CHLSN: variants seen among roughly 807,000 people sequenced by gnomAD.
The protein encoded by CHLSN is cholesin, also known as protein cholesin.
At chr7:992,321 A>C in the CHLSN span, among the ~76,000 whole-genome samples, 1 of 152,166 alleles carries the variant, frequency 6.6e-6, no homozygotes, top group Admixed American at 6.5e-5. Context: ...ATCCTAAGTC[A>C]AGGCAAAACA....
At chr7:1,127,469 G>T in the CHLSN span, 1 of 1,294,464 alleles carries the variant, frequency 7.7e-7, no homozygotes, top group Non-Finnish European at 1.0e-6. Context: ...AAGAGGTAGG[G>T]CACTCTCCCA....
chr7:998,457 CT>C, the CHLSN span, among the ~76,000 whole-genome samples: 12,717 of 94,456 alleles, frequency 0.13, 140 homozygotes, highest in Middle Eastern at 0.19. Context: ...GTCTTAGATT[CT>C]TTTTTTTTTT....
chr7:1,092,579 T>C, the CHLSN span: 2 of 1,611,168 alleles, frequency 1.2e-6, no homozygotes, highest in Non-Finnish European at 1.7e-6. Context: ...GTGCACCTCC[T>C]GCAGCGGACG....
At chr7:1,000,586 G>C in the CHLSN span, 1 of 1,541,440 alleles carries the variant, frequency 6.5e-7, no homozygotes, top group South Asian at 1.2e-5. Flanking sequence ...CAGGGTGCTG[G>C]GCAAAAGACT....
chr7:1,085,347 G>A, the CHLSN span, among the ~76,000 whole-genome samples: 1 of 152,202 alleles, frequency 6.6e-6, no homozygotes, highest in Non-Finnish European at 1.5e-5. Flanking sequence ...TATTGACCCA[G>A]GACGCCTCTG....
the CHLSN span, among the ~76,000 whole-genome samples, chr7:993,064 G>A: frequency 2.6e-5 from 4 of 152,214 alleles, no homozygotes; most frequent in African/African-American, 9.6e-5. Flanking sequence ...AGGCTTGGAG[G>A]AGTCTGTAGG....
the CHLSN span, chr7:1,025,476 G>A: frequency 1.3e-5 from 2 of 152,526 alleles, no homozygotes; most frequent in South Asian, 2.1e-4. Flanking sequence ...AGTCAGGTCA[G>A]GGAGGGGGAC....
chr7:983,103 C>CGGGGTGGT, the CHLSN span: 3 of 884,764 alleles, frequency 3.4e-6, no homozygotes, highest in South Asian at 5.6e-5. Flanking sequence ...TCCACATTCT[C>CGGGGTGGT]GGGGTGGTGG....
the CHLSN span, chr7:1,000,550 A>C: frequency 6.2e-7 from 1 of 1,604,012 alleles, no homozygotes; most frequent in Non-Finnish European, 8.5e-7. Context: ...TTTTGGGCCC[A>C]TCTAGGGAAA....
chr7:1,028,397 G>C, the CHLSN span: 3 of 987,348 alleles, frequency 3.0e-6, no homozygotes, highest in Non-Finnish European at 3.6e-6. Flanking sequence ...GGCGCGGCTG[G>C]AACCAGATCC....
the CHLSN span, among the ~76,000 whole-genome samples, chr7:990,476 G>A: frequency 1.3e-5 from 2 of 151,938 alleles, no homozygotes; most frequent in African/African-American, 2.4e-5. Flanking sequence ...GCCCCTCACC[G>A]AGAAGAGAGG....
the CHLSN span, among the ~76,000 whole-genome samples, chr7:1,110,660 G>A: frequency 4.6e-5 from 7 of 152,242 alleles, no homozygotes; most frequent in African/African-American, 1.7e-4. Flanking sequence ...GCTGTGGGGC[G>A]TGGGAGGCCG....
the CHLSN span, among the ~76,000 whole-genome samples, chr7:1,135,194 C>A: frequency 6.6e-6 from 1 of 152,128 alleles, no homozygotes; most frequent in African/African-American, 2.4e-5. Context: ...TCAGCCTCCT[C>A]ACTCCCTCGT....
At chr7:1,000,555 G>C in the CHLSN span, 49 of 1,602,214 alleles carry the variant, frequency 3.1e-5, 1 homozygote, top group South Asian at 4.5e-5. Flanking sequence ...GGCCCATCTA[G>C]GGAAAGAAAG....
the CHLSN span, among the ~76,000 whole-genome samples, chr7:1,012,946 G>T: frequency 3.3e-5 from 5 of 152,268 alleles, no homozygotes; most frequent in African/African-American, 9.6e-5. Flanking sequence ...GCTATCTTGG[G>T]ATGACACAGG....
At chr7:1,028,556 C>G in the CHLSN span, 1 of 985,044 alleles carries the variant, frequency 1.0e-6, no homozygotes, top group African/African-American at 1.7e-5. Context: ...CTCTGGCCGC[C>G]CGGGTCTCCG....
At chr7:1,031,023 A>G in the CHLSN span, among the ~76,000 whole-genome samples, 1 of 152,152 alleles carries the variant, frequency 6.6e-6, no homozygotes, top group Non-Finnish European at 1.5e-5. Flanking sequence ...GAGCCCTCCC[A>G]CTGCCTTGGC....
At chr7:979,025 C>T in the CHLSN span, among the ~76,000 whole-genome samples, 1 of 152,208 alleles carries the variant, frequency 6.6e-6, no homozygotes, top group Non-Finnish European at 1.5e-5. Context: ...GCTGGGCTTC[C>T]CCACAGCATG....
the CHLSN span, among the ~76,000 whole-genome samples, chr7:1,114,932 C>G: frequency 6.6e-6 from 1 of 152,220 alleles, no homozygotes; most frequent in African/African-American, 2.4e-5. Context: ...CATGGTCACT[C>G]TGCAGCCTTC....
Sources: allele counts gnomAD v4.1 joint callset (sites outside exome capture counted in the v4.1 genomes callset), GRCh38; gene constraint gnomAD v4.1.1; transcripts MANE v1.5; gene names NCBI Gene and HGNC (gene_info 2026-07-23, HGNC 2026-07-21).